AXDND1: variants seen among roughly 807,000 people sequenced by gnomAD.
The protein encoded by AXDND1 is axonemal dynein light chain domain-containing protein 1.
AXDND1 carries 110 observed loss-of-function variants against 137.5 expected under a neutral mutation model. The ratio of observed to expected loss-of-function variants is 0.80; its 90% CI spans 0.69 to 0.94. AXDND1 has a LOEUF of 0.94. AXDND1 is among the 40% of genes least tolerant of loss of function. AXDND1 has a pLI of 0.00. For synonymous variants in AXDND1, 414 were observed against 399.7 expected, an observed-to-expected ratio of 1.04 and a Z score of -0.43; for missense variants, 1,191 against 1,169.8, an observed-to-expected ratio of 1.02 and a Z score of -0.26.
intron 16 of AXDND1, among the ~76,000 whole-genome samples, chr1:179,461,981 T>C (rs967106626): frequency 6.6e-6 from 1 of 152,232 alleles, no homozygotes; most frequent in African/African-American, 2.4e-5. Flanking sequence ...TACAATCATG[T>C]CATCTGCAAA....
In AXDND1 at chr1:179,427,255, G is replaced by A. The variant is rs540377743; in HGVS notation, c.1231-2263G>A. ...ACACAAAATCTTCACCAAGAGAACA[G>A]CAAACTAATAAGACATTACCTTTGG... On this transcript the variant is annotated intron_variant, in intron 12 of 25. Coordinates refer to ENST00000367618, the MANE Select transcript of AXDND1 (RefSeq NM_144696.6). Among the ~76,000 whole-genome samples, 16 of 152,262 alleles carry A rather than the reference G, an allele frequency of 1.1e-4. No homozygotes were observed. In the East Asian group the frequency reaches 3.1e-3, roughly 29 times the overall value.
At chr1:179,380,995 A>T (rs1648173676) in intron 6 of AXDND1, among the ~76,000 whole-genome samples, 1 of 144,220 alleles carries the variant, frequency 6.9e-6, no homozygotes, top group South Asian at 2.2e-4. Context: ...TTTAGTGTGT[A>T]TTTCCTAACA....
chr1:179,551,099 G>C, intron 25 of AXDND1: 2 of 1,589,544 alleles, frequency 1.3e-6, no homozygotes, highest in East Asian at 4.5e-5. Context: ...AGGGAATGAG[G>C]ACAGAGTGTC....
intron 21 of AXDND1, 47 bp downstream of exon 21, chr1:179,509,450 A>AT: frequency 8.2e-7 from 1 of 1,216,030 alleles, no homozygotes; most frequent in Non-Finnish European, 1.2e-6. Context: ...TTATTCCTGT[A>AT]TTTCAGTACA....
At chr1:179,429,766 G>A (rs1396930460) in intron 13 of AXDND1, 147 bp downstream of exon 13, 4 of 419,944 alleles carry the variant, frequency 9.5e-6, no homozygotes, top group Admixed American at 9.0e-5. Context: ...TCTATGGGAA[G>A]GTGAATAAAG....
intron 21 of AXDND1, among the ~76,000 whole-genome samples, chr1:179,512,932 A>G (rs567258034): frequency 6.6e-6 from 1 of 152,168 alleles, no homozygotes; most frequent in Non-Finnish European, 1.5e-5. Context: ...ACTTTGCTGA[A>G]TTCTTTTATC....
At chr1:179,428,689 T>C (rs1480434628) in intron 12 of AXDND1, among the ~76,000 whole-genome samples, 1 of 152,256 alleles carries the variant, frequency 6.6e-6, no homozygotes, top group African/African-American at 2.4e-5. Context: ...CGTGATATAT[T>C]CTAACAGATT....
intron 25 of AXDND1, chr1:179,552,520 G>T: frequency 9.4e-7 from 1 of 1,058,698 alleles, no homozygotes; most frequent in Admixed American, 1.9e-5. Flanking sequence ...CTAATGAATG[G>T]ACAGTAAGGA....
chr1:179,475,165 T>G (rs909732786), intron 17 of AXDND1, among the ~76,000 whole-genome samples: 2 of 152,262 alleles, frequency 1.3e-5, no homozygotes, highest in Non-Finnish European at 2.9e-5. Context: ...ATAGCCCTCA[T>G]GGAGAACCTC....
chr1:179,407,723 GTTGACTGTCCC>G (rs1469737727), intron 11 of AXDND1, among the ~76,000 whole-genome samples: 4 of 152,088 alleles, frequency 2.6e-5, no homozygotes, highest in African/African-American at 9.7e-5. Context: ...ATCTTTGTGG[GTTGACTGTCCC>G]ACAGTCAAAT....
At chr1:179,552,801 C>T (rs1407758510) in intron 25 of AXDND1, 3 of 749,438 alleles carry the variant, frequency 4.0e-6, no homozygotes, top group Non-Finnish European at 7.1e-6. Flanking sequence ...TTTGGAGTGA[C>T]CAGAGTGTGC....
At chr1:179,370,891 G>A (rs918186167) in intron 4 of AXDND1, among the ~76,000 whole-genome samples, 2 of 152,156 alleles carry the variant, frequency 1.3e-5, no homozygotes, top group African/African-American at 4.8e-5. Flanking sequence ...ATAGATGCAA[G>A]AGCACTTGTA....
chr1:179,424,235 G>A lies in AXDND1; in HGVS notation c.1231-5283G>A, dbSNP rs551727331. On this transcript the variant is annotated intron_variant, in intron 12 of 25. Coordinates refer to ENST00000367618, the MANE Select transcript of AXDND1 (RefSeq NM_144696.6). Reference sequence around the variant, plus strand: ...CACTGAGAAGTCTGTTGCTAGGTAAGTTGGAGCTCCTTAACATGTTATTTG... The same window carrying A: ...CACTGAGAAGTCTGTTGCTAGGTAAATTGGAGCTCCTTAACATGTTATTTG... Among the ~76,000 whole-genome samples the A allele has an allele frequency of 5.9e-5, 9 of 152,100 alleles. No homozygotes were observed. In the East Asian group the frequency reaches 1.2e-3, roughly 20 times the overall value.
intron 17 of AXDND1, among the ~76,000 whole-genome samples, chr1:179,478,111 T>C (rs34878773): frequency 0.46 from 69,388 of 152,052 alleles, 16,721 homozygotes; most frequent in East Asian, 0.76. Flanking sequence ...GGCTCCCTCC[T>C]GGCTGCTTTC....
chr1:179,422,746 A>G (rs1324267873), intron 12 of AXDND1, among the ~76,000 whole-genome samples: 2 of 152,028 alleles, frequency 1.3e-5, no homozygotes, highest in Non-Finnish European at 2.9e-5. Flanking sequence ...CACTATTATT[A>G]TATTACATTT....
intron 23 of AXDND1, among the ~76,000 whole-genome samples, chr1:179,532,536 CAGAA>C (rs1180786290): frequency 4.6e-5 from 7 of 152,108 alleles, no homozygotes; most frequent in African/African-American, 7.2e-5. Context: ...AGCAACAAAA[CAGAA>C]AGAGAAAAAT....
At chr1:179,531,606 G>A (rs1272618167) in intron 23 of AXDND1, among the ~76,000 whole-genome samples, 1 of 152,086 alleles carries the variant, frequency 6.6e-6, no homozygotes, top group Non-Finnish European at 1.5e-5. Flanking sequence ...AGGGGACGAG[G>A]TTGATTGATA....
In AXDND1 at chr1:179,382,715, C is replaced by A; in HGVS notation, c.597C>A (p.Leu199=). The change falls in exon 7 of 26, where the codon CTC becomes CTA. Residue 199 remains leucine, a synonymous_variant. Transcript: ENST00000367618. ...TTTATTGTAGCAAATACACTACTCT[C>A]CTCACAGATAGTGAAAACAGGCTAT... ...LECYDDKYTT[L]LTDSENRLLL... 6.2e-7 allele frequency: 1 copy of A among 1,603,818 alleles called. No individual in the cohort carries two copies. Among genetic ancestry groups the A allele is most frequent in the Non-Finnish European group, 8.5e-7 (1 of 1,171,044 alleles).
chr1:179,474,080 T>G (rs12736595), intron 17 of AXDND1, among the ~76,000 whole-genome samples: 11 of 151,292 alleles, frequency 7.3e-5, no homozygotes, highest in African/African-American at 2.7e-4. Flanking sequence ...CAAAAATTAG[T>G]CGGGCGTGGT....
Sources: gnomAD v4.1 joint callset for allele counts (sites outside exome capture counted in the v4.1 genomes callset) on GRCh38, gnomAD v4.1.1 for gene constraint, MANE v1.5 for transcripts, NCBI Gene and HGNC (gene_info 2026-07-23, HGNC 2026-07-21) for gene names.